FER1L6: variants seen among roughly 807,000 people sequenced by gnomAD.
FER1L6 encodes the protein fer-1-like protein 6.
In FER1L6, 177 loss-of-function variants were observed where a neutral mutation model predicts 219.2. The observed-to-expected ratio is 0.81, with a 90% CI of 0.71 to 0.91. FER1L6 has a LOEUF of 0.91. Among genes scored for constraint, FER1L6 ranks in the 40% least tolerant of loss-of-function variants. The probability of loss-of-function intolerance (pLI) is 0.00; values close to 1 mark genes in which losing one functional copy is unlikely to be tolerated. For synonymous variants in FER1L6, 768 were observed against 824.3 expected (o/e 0.93, Z 1.17); for missense variants, 2,153 against 2,259.9 (o/e 0.95, Z 0.96).
intron 17 of FER1L6, among the ~76,000 whole-genome samples, 188 bp downstream of exon 17, chr8:124,021,857 T>TC (rs1227494487): frequency 2.6e-5 from 4 of 151,590 alleles, no homozygotes; most frequent in Non-Finnish European, 5.9e-5. Flanking sequence ...CTTTATTCAT[T>TC]TTTTTTTCAC....
At chr8:123,909,573 T>C (rs1586456087) in intron 1 of FER1L6, among the ~76,000 whole-genome samples, 1 of 152,128 alleles carries the variant, frequency 6.6e-6, no homozygotes, top group Non-Finnish European at 1.5e-5. Flanking sequence ...ACTCAAAACA[T>C]ATTCATGACT....
At chr8:124,090,551 C>T (rs1250508758) in intron 33 of FER1L6, among the ~76,000 whole-genome samples, 1 of 152,196 alleles carries the variant, frequency 6.6e-6, no homozygotes, top group Non-Finnish European at 1.5e-5. Context: ...CTTGGATGAC[C>T]TTTTCAGGAT....
At chr8:124,109,118 TAGA>T (rs1327996833) in intron 39 of FER1L6, among the ~76,000 whole-genome samples, 1 of 152,038 alleles carries the variant, frequency 6.6e-6, no homozygotes, top group African/African-American at 2.4e-5. Context: ...GAAAGTTTAA[TAGA>T]AGAAAGGAGA....
Position 124,091,508 on chromosome 8 carries a change from T to C in FER1L6, c.4477T>C (p.Tyr1493His). The C allele has an allele frequency of 6.2e-7, 1 of 1,614,080 alleles. No homozygotes were observed. Among genetic ancestry groups the C allele is most frequent in the East Asian group, 2.2e-5 (1 of 44,880 alleles). ...CAAAGACAACAAGCTGGATGGACCC[T>C]ACTTTCACCCTGGGAAAATACAGAT... The part of the protein sequence containing the change: ...LCKDNKLDGP[Y>H]FHPGKIQIGN... The change falls in exon 34 of 41, where the codon TAC becomes CAC. Residue 1493 changes from tyrosine (Y) to histidine (H), a missense_variant. Physicochemically the swap from Tyr to His is moderately conservative, Grantham distance 83 (BLOSUM62 2). Coordinates refer to ENST00000522917, the MANE Select transcript of FER1L6 (RefSeq NM_001039112.2).
At chr8:123,890,980 T>C (rs1812639312) in intron 1 of FER1L6, among the ~76,000 whole-genome samples, 1 of 152,124 alleles carries the variant, frequency 6.6e-6, no homozygotes, top group East Asian at 1.9e-4. Context: ...GGTACAAAGT[T>C]TTAATGTTCA....
chr8:123,853,382 T>C lies in FER1L6; in HGVS notation c.-8+1197T>C, dbSNP rs938093810. 1.3e-5 allele frequency among the ~76,000 whole-genome samples: 2 copies of C among 152,144 alleles called. No homozygotes were observed. The highest frequency in any genetic ancestry group is 2.9e-5 in the Non-Finnish European group (2 of 68,026). On this transcript the variant is annotated intron_variant, in intron 1 of 40. Transcript: ENST00000522917. The surrounding 1 kb of genome is among the most constrained non-coding windows in gnomAD (Gnocchi z 6.6). Reference sequence around the variant, plus strand: ...GACGGCCAGGATGGTCTCAAACTTCTGACCTCAAACGATCCACCCACCTCA... The same window carrying C: ...GACGGCCAGGATGGTCTCAAACTTCCGACCTCAAACGATCCACCCACCTCA...
chr8:123,988,110 G>A (rs1409010581), intron 12 of FER1L6, among the ~76,000 whole-genome samples: 1 of 139,174 alleles, frequency 7.2e-6, no homozygotes, highest in Non-Finnish European at 1.5e-5. Context: ...CAGACAGCAT[G>A]TCTCAAAAAA....
At chr8:124,055,765 A>ATCTT (rs1820266008) in intron 22 of FER1L6, among the ~76,000 whole-genome samples, 2 of 152,190 alleles carry the variant, frequency 1.3e-5, no homozygotes, top group African/African-American at 4.8e-5. Context: ...CCAATTTATT[A>ATCTT]TCTTACAGTT....
intron 39 of FER1L6, 33 bp downstream of exon 39, chr8:124,103,342 G>A (rs1316937012): frequency 1.3e-6 from 2 of 1,592,446 alleles, no homozygotes; most frequent in Non-Finnish European, 1.7e-6. Flanking sequence ...GGAGGAGATG[G>A]GGGAAGTTGG....
At chr8:123,901,317 G>A (rs1019870393) in intron 1 of FER1L6, among the ~76,000 whole-genome samples, 1 of 152,114 alleles carries the variant, frequency 6.6e-6, no homozygotes. Flanking sequence ...AGCCTTGAAT[G>A]ATCTTTTGTA....
At chr8:123,857,980 C>T (rs1321578837) in intron 1 of FER1L6, among the ~76,000 whole-genome samples, 1 of 152,202 alleles carries the variant, frequency 6.6e-6, no homozygotes, top group African/African-American at 2.4e-5. Flanking sequence ...GTGTCAGGTT[C>T]CCCTTCCTGC....
At chr8:123,905,044 A>G (rs977732743) in intron 1 of FER1L6, among the ~76,000 whole-genome samples, 1 of 152,170 alleles carries the variant, frequency 6.6e-6, no homozygotes, top group South Asian at 2.1e-4. Flanking sequence ...ATTGAGTTTC[A>G]TTTTAGCTAG....
intron 39 of FER1L6, among the ~76,000 whole-genome samples, chr8:124,118,400 G>A (rs1032514559): frequency 1.4e-4 from 22 of 152,120 alleles, no homozygotes; most frequent in African/African-American, 5.1e-4. Flanking sequence ...AATGAAGAGT[G>A]ACAGAAAAAA....
intron 1 of FER1L6, among the ~76,000 whole-genome samples, chr8:123,947,748 A>C (rs2130048599): frequency 6.6e-6 from 1 of 152,364 alleles, no homozygotes; most frequent in Middle Eastern, 3.4e-3. Flanking sequence ...CCATGTGATA[A>C]GTATATAATA....
rs757258830 is a variant in FER1L6, at chr8:124,101,279, CT to C, written c.5067del (p.Ala1690LeufsTer24). 4.5e-5 allele frequency: 73 copies of C among 1,613,724 alleles called. 3 individuals carry two copies. In the South Asian group the frequency reaches 7.7e-4, roughly 17 times the overall value. On this transcript the variant is annotated frameshift_variant, in exon 38 of 41. Coordinates refer to ENST00000522917, the MANE Select transcript of FER1L6 (RefSeq NM_001039112.2). LOFTEE classifies it high-confidence loss of function. ...FSLEKMECKT[P>X]AVLVLQVWDF... ...TTAGAGAAGATGGAGTGTAAGACTC[CT>C]GCTGTGTTGGTGCTGCAGGTTTGGG... is the stretch of plus-strand genomic sequence containing the variant.
At chr8:124,033,403 A>C (rs1233682748) in intron 18 of FER1L6, among the ~76,000 whole-genome samples, 3 of 152,166 alleles carry the variant, frequency 2.0e-5, no homozygotes, top group African/African-American at 7.2e-5. Context: ...ATTATTAGAG[A>C]AGTGATAAGT....
intron 39 of FER1L6, among the ~76,000 whole-genome samples, chr8:124,113,583 G>C (rs1823107875): frequency 6.6e-6 from 1 of 152,090 alleles, no homozygotes; most frequent in African/African-American, 2.4e-5. Flanking sequence ...GTCTTATATA[G>C]CTGTTTCCTT....
chr8:123,945,766 GA>G (rs1814459181), intron 1 of FER1L6, among the ~76,000 whole-genome samples: 1 of 152,160 alleles, frequency 6.6e-6, no homozygotes, highest in African/African-American at 2.4e-5. Context: ...CTTGGTTATA[GA>G]AGCTATTAAA....
intron 39 of FER1L6, among the ~76,000 whole-genome samples, chr8:124,110,708 T>C (rs1278490280): frequency 6.6e-6 from 1 of 152,158 alleles, no homozygotes; most frequent in African/African-American, 2.4e-5. Flanking sequence ...TAACTAGTTC[T>C]CAGGAGGAAT....
Sources: gnomAD v4.1 joint callset for allele counts (sites outside exome capture counted in the v4.1 genomes callset) on GRCh38, gnomAD v4.1.1 for gene constraint, Gnocchi (gnomAD v3.1) non-coding constraint, MANE v1.5 for transcripts, NCBI Gene and HGNC (gene_info 2026-07-23, HGNC 2026-07-21) for gene names.